Variants in TRPM3 observed in about 807,000 individuals in gnomAD.
The protein encoded by TRPM3 is transient receptor potential cation channel subfamily M member 3.
In TRPM3, 77 loss-of-function variants were observed where a neutral mutation model predicts 181.2. The ratio of observed to expected loss-of-function variants is 0.42; its 90% CI spans 0.35 to 0.51. The LOEUF (loss-of-function observed/expected upper bound fraction) is 0.51, where lower values mean the gene tolerates loss of function less well. Among genes scored for constraint, TRPM3 ranks in the 20% least tolerant of loss-of-function variants. The probability of loss-of-function intolerance (pLI) is 0.01; values close to 1 mark genes in which losing one functional copy is unlikely to be tolerated. For synonymous variants in TRPM3, 745 were observed against 796.4 expected (o/e 0.94, Z 1.09); for missense variants, 1,759 against 2,196.7 (o/e 0.80, Z 3.98).
chr9:70,603,284 C>T, intron 20 of TRPM3, 58 bp downstream of exon 20: 1 of 1,571,058 alleles, frequency 6.4e-7, no homozygotes, highest in South Asian at 1.2e-5. Context: ...CCCCTCCATC[C>T]ACAGATAGAA....
intron 1 of TRPM3, among the ~76,000 whole-genome samples, chr9:71,277,641 T>C (rs560644354): frequency 6.6e-6 from 1 of 152,322 alleles, no homozygotes; most frequent in Non-Finnish European, 1.5e-5. Context: ...AATATTCTCC[T>C]GATCATGTAA....
At chr9:71,356,333 C>G (rs573070982) in intron 1 of TRPM3, among the ~76,000 whole-genome samples, 1 of 152,118 alleles carries the variant, frequency 6.6e-6, no homozygotes, top group Non-Finnish European at 1.5e-5. Flanking sequence ...CTTTCCACCC[C>G]CCAATAGGCC....
intron 1 of TRPM3, among the ~76,000 whole-genome samples, chr9:70,968,378 G>T (rs993991655): frequency 2.0e-5 from 3 of 152,156 alleles, no homozygotes; most frequent in Non-Finnish European, 4.4e-5. Context: ...ATCAAATGGT[G>T]ATTGTTATAC....
chr9:71,441,995 T>G lies in TRPM3; in HGVS notation c.183+4658A>C, dbSNP rs149202378. Among the ~76,000 whole-genome samples the G allele has an allele frequency of 2.8e-3, 424 of 152,326 alleles. 1 individual carries two copies. Among genetic ancestry groups the G allele is most frequent in the Non-Finnish European group, 4.5e-3 (304 of 68,028 alleles). The stretch of plus-strand genomic sequence containing the variant: ...GCAGGGAAAACTGGAAATTACCTAG[T>G]AGGCTCAAAGAGGGCAAGTCAACAA... On this transcript the variant is annotated intron_variant, in intron 1 of 24. Coordinates refer to the TRPM3 transcript ENST00000357533.
rs572547072 is a variant in TRPM3, at chr9:70,972,749, T to C, written c.178-108238A>G. 7.9e-5 allele frequency among the ~76,000 whole-genome samples: 12 copies of C among 152,288 alleles called. No individual in the cohort carries two copies. The South Asian group carries it at 2.5e-3, about 32-fold the overall frequency. On this transcript the variant is annotated intron_variant, in intron 1 of 25. Transcript: ENST00000677713. ...TAGATGTTACTTTTCTATGTCTCAG[T>C]GGACAAAGAGAATCCAGGCTGGTAA...
At chr9:71,128,108 G>T (rs2074157773) in intron 1 of TRPM3, among the ~76,000 whole-genome samples, 1 of 152,184 alleles carries the variant, frequency 6.6e-6, no homozygotes, top group Admixed American at 6.5e-5. Context: ...AGAAGCTACA[G>T]AGAACACATG....
intron 1 of TRPM3, among the ~76,000 whole-genome samples, chr9:71,439,736 A>G (rs1398098868): frequency 2.0e-5 from 3 of 152,160 alleles, no homozygotes; most frequent in Non-Finnish European, 2.9e-5. Flanking sequence ...TTCATCTCTA[A>G]TGTGTATTAT....
intron 1 of TRPM3, among the ~76,000 whole-genome samples, chr9:71,271,678 C>T (rs2083804366): frequency 6.6e-6 from 1 of 151,786 alleles, no homozygotes; most frequent in African/African-American, 2.4e-5. Flanking sequence ...CTGGGCCTGG[C>T]TTAATTTGGG....
At chr9:70,925,241 A>G (rs2096709428) in intron 1 of TRPM3, among the ~76,000 whole-genome samples, 1 of 152,194 alleles carries the variant, frequency 6.6e-6, no homozygotes, top group African/African-American at 2.4e-5. Context: ...TACTTTGCAC[A>G]TTGGTATTAT....
At chr9:70,874,375 T>G (rs553385426) in intron 1 of TRPM3, among the ~76,000 whole-genome samples, 1 of 151,946 alleles carries the variant, frequency 6.6e-6, no homozygotes, top group Admixed American at 6.6e-5. Context: ...GTAGATATTA[T>G]AAAATTCCAG....
At chr9:70,635,462 A>ATTTTTT (rs71505401) in intron 11 of TRPM3, among the ~76,000 whole-genome samples, 14 of 113,100 alleles carry the variant, frequency 1.2e-4, no homozygotes, top group Middle Eastern at 4.7e-3. Flanking sequence ...TTTGTCAGTG[A>ATTTTTT]TTTTTTTTTT....
chr9:71,407,749 C>T (rs1182701541), intron 1 of TRPM3, among the ~76,000 whole-genome samples: 1 of 152,144 alleles, frequency 6.6e-6, no homozygotes, highest in African/African-American at 2.4e-5. Context: ...GGTGGTTGAG[C>T]TCTGACTATG....
intron 1 of TRPM3, among the ~76,000 whole-genome samples, chr9:71,020,152 A>G (rs1273100196): frequency 6.6e-6 from 1 of 152,000 alleles, no homozygotes; most frequent in Non-Finnish European, 1.5e-5. Context: ...GGTGAAAAAA[A>G]AAACCAAGCC....
intron 1 of TRPM3, among the ~76,000 whole-genome samples, chr9:71,148,838 CAA>C (rs2075575573): frequency 6.6e-6 from 1 of 151,810 alleles, no homozygotes; most frequent in African/African-American, 2.4e-5. Context: ...GCTAAGAAAA[CAA>C]AAATCAAATC....
intron 7 of TRPM3, among the ~76,000 whole-genome samples, chr9:70,768,916 A>T (rs886596826): frequency 7.2e-5 from 11 of 152,138 alleles, no homozygotes; most frequent in South Asian, 2.1e-4. Flanking sequence ...GGAAAAAGAG[A>T]TCATGCATGG....
intron 11 of TRPM3, among the ~76,000 whole-genome samples, chr9:70,637,380 A>T (rs911551163): frequency 6.6e-6 from 1 of 152,162 alleles, no homozygotes; most frequent in Non-Finnish European, 1.5e-5. Flanking sequence ...TCAACAAAGT[A>T]TTCCGGGAAG....
intron 1 of TRPM3, among the ~76,000 whole-genome samples, chr9:71,311,904 C>A (rs1231906812): frequency 6.6e-6 from 1 of 151,968 alleles, no homozygotes; most frequent in Non-Finnish European, 1.5e-5. Flanking sequence ...TTCAAAGATT[C>A]AAAAAATCTC....
intron 9 of TRPM3, among the ~76,000 whole-genome samples, chr9:70,663,998 G>T (rs1226644512): frequency 1.3e-5 from 2 of 152,102 alleles, no homozygotes; most frequent in Non-Finnish European, 2.9e-5. Context: ...TTCTTCAAAG[G>T]ATCACTTTGA....
chr9:70,744,143 C>T (rs924017545), intron 8 of TRPM3, among the ~76,000 whole-genome samples: 5 of 151,638 alleles, frequency 3.3e-5, no homozygotes, highest in Non-Finnish European at 5.9e-5. Flanking sequence ...GCCTGGACAA[C>T]ATGGTGAAAC....
Sources: allele counts gnomAD v4.1 joint callset (sites outside exome capture counted in the v4.1 genomes callset), GRCh38; gene constraint gnomAD v4.1.1; transcripts MANE v1.5; gene names NCBI Gene and HGNC (gene_info 2026-07-23, HGNC 2026-07-21).